The following ETFDH variants were observed in gnomAD, a reference collection of about 807,000 sequenced individuals.
The protein encoded by ETFDH is electron transfer flavoprotein dehydrogenase, also known as electron transfer flavoprotein-ubiquinone oxidoreductase, mitochondrial.
A neutral mutation model predicts 73.2 loss-of-function variants in ETFDH; 61 were observed. That is an observed-to-expected ratio of 0.83 (90% CI 0.68 to 1.03). The LOEUF (loss-of-function observed/expected upper bound fraction) is 1.03. ETFDH is among the 50% of genes least tolerant of loss of function. ETFDH has a pLI of 0.00. For missense variants in ETFDH, 685 were observed against 745.0 expected (o/e 0.92, Z 0.94); for synonymous variants, 243 against 253.3 (o/e 0.96, Z 0.39).
At chr4:158,679,603 G>A (rs1195065773) in intron 1 of ETFDH, 1 of 152,148 alleles carries the variant, frequency 6.6e-6, no homozygotes, top group African/African-American at 2.4e-5. Flanking sequence ...GTCTTTATGA[G>A]GTTTGATGCT....
intron 6 of ETFDH, among the ~76,000 whole-genome samples, chr4:158,694,721 A>G (rs1283730452): frequency 2.0e-5 from 3 of 152,198 alleles, no homozygotes; most frequent in Non-Finnish European, 4.4e-5. Flanking sequence ...CTTATATACT[A>G]CTGATGGAAA....
chr4:158,701,044 G>T (rs1320334469), intron 9 of ETFDH: 1 of 152,108 alleles, frequency 6.6e-6, no homozygotes, highest in Non-Finnish European at 1.5e-5. Flanking sequence ...CCCCTAGTAG[G>T]TTTCTAATTA....
At chr4:158,680,318 T>C (rs1773817894) in intron 1 of ETFDH, 149 bp from the exon 2 acceptor site, 3 of 597,444 alleles carry the variant, frequency 5.0e-6, no homozygotes, top group Admixed American at 3.0e-5. Context: ...CATTGCTTTA[T>C]GAGAAAAAGC....
At chr4:158,698,855 C>A in intron 8 of ETFDH, 132 bp from the exon 9 acceptor site, 1 of 655,932 alleles carries the variant, frequency 1.5e-6, no homozygotes. Context: ...TGGATTACTG[C>A]ACATAGTGCT....
intron 5 of ETFDH, among the ~76,000 whole-genome samples, chr4:158,689,256 T>A (rs1561242114): frequency 6.6e-6 from 1 of 152,152 alleles, no homozygotes; most frequent in Non-Finnish European, 1.5e-5. Context: ...CTGCTATAAA[T>A]TTCTGTTTTC....
chr4:158,697,187 C>T (rs555015415), intron 7 of ETFDH, among the ~76,000 whole-genome samples: 61 of 152,158 alleles, frequency 4.0e-4, no homozygotes, highest in South Asian at 1.7e-3. Context: ...TTCTGCCTCC[C>T]GGGTTCAAGC....
chr4:158,692,589 C>A (rs1268143380), intron 6 of ETFDH, among the ~76,000 whole-genome samples: 2 of 151,928 alleles, frequency 1.3e-5, no homozygotes, highest in Non-Finnish European at 2.9e-5. Flanking sequence ...GAACTGTTAT[C>A]TCATACTGCC....
intron 6 of ETFDH, 39 bp from the exon 7 acceptor site, chr4:158,695,458 T>C (rs1345207364): frequency 6.4e-7 from 1 of 1,570,552 alleles, no homozygotes; most frequent in East Asian, 2.3e-5. Context: ...GTATTTTAAA[T>C]TGTCAAATGT....
At chr4:158,702,325 ATCTT>A (rs1774485360) in intron 9 of ETFDH, among the ~76,000 whole-genome samples, 1 of 152,064 alleles carries the variant, frequency 6.6e-6, no homozygotes, top group Non-Finnish European at 1.5e-5. Flanking sequence ...AATATTTAAA[ATCTT>A]TCTTCTATTT....
intron 5 of ETFDH, among the ~76,000 whole-genome samples, chr4:158,689,595 C>CATACATATATAT: frequency 3.1e-5 from 1 of 32,766 alleles, no homozygotes; most frequent in South Asian, 1.7e-3. Context: ...ATAAAACCTT[C>CATACATATATAT]ATATATATAT....
At chr4:158,688,641 C>T (rs544104298) in intron 5 of ETFDH, among the ~76,000 whole-genome samples, 1 of 152,180 alleles carries the variant, frequency 6.6e-6, no homozygotes, top group African/African-American at 2.4e-5. Context: ...CCACTGCACT[C>T]CAGCCTGGGT....
In ETFDH at chr4:158,698,969, T is replaced by C. The variant is rs1435411628; in HGVS notation, c.973-18T>C. On this transcript the variant is annotated intron_variant, in intron 8 of 12. Coordinates refer to ENST00000511912, the MANE Select transcript of ETFDH (RefSeq NM_004453.4). ...TGAAATAAAAATGTCTAATTAAATA[T>C]AAGTGTAAATTTTTAAGGTTGGTCT... is the stretch of plus-strand genomic sequence containing the variant. 6.6e-7 allele frequency: 1 copy of C among 1,510,946 alleles called. No individual in the cohort carries two copies. 93.6% of individuals were successfully genotyped at this position (1,510,946 alleles called of 1,614,324 possible).
chr4:158,678,653 C>CTTTTTT (rs11438999), intron 1 of ETFDH, among the ~76,000 whole-genome samples: 1 of 140,320 alleles, frequency 7.1e-6, no homozygotes, highest in African/African-American at 2.6e-5. Flanking sequence ...ATATCACCAT[C>CTTTTTT]TTTTTTTTTT....
At chr4:158,683,522 AC>A (rs1266282159) in intron 3 of ETFDH, among the ~76,000 whole-genome samples, 2 of 152,356 alleles carry the variant, frequency 1.3e-5, no homozygotes, top group Admixed American at 1.3e-4. Context: ...TATTGAATTA[AC>A]ACTGACATAA....
chr4:158,696,140 AGTCTT>A, intron 7 of ETFDH, among the ~76,000 whole-genome samples: 1 of 152,280 alleles, frequency 6.6e-6, no homozygotes, highest in African/African-American at 2.4e-5. Flanking sequence ...TCCATTCTCT[AGTCTT>A]ATTTTCCCAA....
intron 6 of ETFDH, among the ~76,000 whole-genome samples, chr4:158,692,467 A>G (rs116062742): frequency 0.012 from 1,743 of 150,668 alleles, 28 homozygotes; most frequent in African/African-American, 0.038. Flanking sequence ...GGTTTAACTG[A>G]CCCCATCAGA....
rs1174882036 is a variant in ETFDH at position 158,706,302 on chromosome 4, G to C, written c.1399G>C (p.Gly467Arg). ...SCHGVLGVYG[G>R]MIYTGIFYWI... Reference sequence around the variant, plus strand: ...CCACGGAGTACTGGGTGTATATGGAGGGATGATTTACACTGGAATCTTTTA... The same window carrying C: ...CCACGGAGTACTGGGTGTATATGGACGGATGATTTACACTGGAATCTTTTA... The change falls in exon 11 of 13, where the codon GGG becomes CGG. Residue 467 changes from glycine (G) to arginine (R), a missense_variant. This residue lies in a region of ETFDH where 201 missense variants were observed against 225.2 expected (regional missense o/e 0.89). Transcript: ENST00000511912. The C allele has an allele frequency of 1.9e-6, 3 of 1,612,340 alleles. No homozygotes were observed. The East Asian group carries it at 6.7e-5, about 36-fold the overall frequency.
chr4:158,686,837 C>T (rs567461675), intron 5 of ETFDH, among the ~76,000 whole-genome samples: 6 of 152,108 alleles, frequency 3.9e-5, no homozygotes, highest in African/African-American at 9.7e-5. Context: ...TAAGACTTCC[C>T]CCTCACCCTC....
Position 158,709,528 on chromosome 4 carries a change from T to C in ETFDH, c.*1001T>C. The C allele has an allele frequency of 2.6e-6, 1 of 391,746 alleles. No homozygotes were observed. 24.3% of individuals were successfully genotyped at this position (391,746 alleles called of 1,614,324 possible). On this transcript the variant is annotated 3_prime_UTR_variant, in exon 13 of 13. Coordinates refer to ENST00000511912, the MANE Select transcript of ETFDH (RefSeq NM_004453.4). ...GCCTGGGTGACAGAGCAAGACTCCA[T>C]CTCAAAGAAACAAACAAAACCACTT...
Sources: allele counts gnomAD v4.1 joint callset (sites outside exome capture counted in the v4.1 genomes callset), GRCh38; gene constraint gnomAD v4.1.1; regional missense constraint gnomAD v4.1.1; transcripts MANE v1.5; gene names NCBI Gene and HGNC (gene_info 2026-07-23, HGNC 2026-07-21).